Variants in PTPN13 observed in about 807,000 individuals in gnomAD.
PTPN13 encodes protein tyrosine phosphatase non-receptor type 13, also known as tyrosine-protein phosphatase non-receptor type 13.
Under a neutral mutation model 284.0 loss-of-function variants are expected in PTPN13, and 191 were observed. That is an observed-to-expected ratio of 0.67 (90% CI 0.60 to 0.76). The LOEUF (loss-of-function observed/expected upper bound fraction) is 0.76. Ranked by LOEUF, PTPN13 falls within the 30% of genes least tolerant of loss-of-function variation. The pLI is 0.00. For synonymous variants in PTPN13, 986 were observed against 1,022.3 expected (o/e 0.96, Z 0.68); for missense variants, 2,797 against 2,939.9 (o/e 0.95, Z 1.12).
chr4:86,619,504 T>C (rs1031870050), intron 1 of PTPN13, among the ~76,000 whole-genome samples: 7 of 152,168 alleles, frequency 4.6e-5, no homozygotes, highest in African/African-American at 1.7e-4. Context: ...TTATCCTGAA[T>C]CTTTCCAAAT....
intron 3 of PTPN13, among the ~76,000 whole-genome samples, chr4:86,686,220 G>A (rs1200838337): frequency 6.6e-6 from 1 of 152,122 alleles, no homozygotes; most frequent in African/African-American, 2.4e-5. Context: ...AAATTAGTCA[G>A]GCATGGTGGC....
intron 2 of PTPN13, among the ~76,000 whole-genome samples, chr4:86,659,311 TC>T (rs1409096505): frequency 6.6e-6 from 1 of 152,118 alleles, no homozygotes; most frequent in Non-Finnish European, 1.5e-5. Flanking sequence ...GTCATCAAAA[TC>T]TAACACTCAT....
At chr4:86,623,728 C>A (rs1372439597) in intron 1 of PTPN13, among the ~76,000 whole-genome samples, 1 of 152,152 alleles carries the variant, frequency 6.6e-6, no homozygotes, top group African/African-American at 2.4e-5. Flanking sequence ...AATGTTCTTT[C>A]CTATGTATAT....
chr4:86,785,418 CT>C (rs1239683098), intron 39 of PTPN13, 50 bp downstream of exon 39: 2 of 1,498,978 alleles, frequency 1.3e-6, no homozygotes, highest in Non-Finnish European at 1.8e-6. Flanking sequence ...ACAAAAACGT[CT>C]CTAGGGAGCA....
chr4:86,740,996 C>G (rs940631316), intron 15 of PTPN13, among the ~76,000 whole-genome samples: 3 of 152,166 alleles, frequency 2.0e-5, no homozygotes, highest in African/African-American at 7.2e-5. Flanking sequence ...TTCCTCATCT[C>G]CATCTGAGAC....
At chr4:86,779,417 CAA>C (rs59094100) in intron 35 of PTPN13, among the ~76,000 whole-genome samples, 30 of 122,400 alleles carry the variant, frequency 2.5e-4, no homozygotes, top group East Asian at 2.3e-4. Context: ...ACTCCGTCTC[CAA>C]AAAAAAAAAA....
chr4:86,635,167 C>T (rs1722873676), intron 1 of PTPN13, 85 bp from the exon 2 acceptor site: 5 of 1,399,026 alleles, frequency 3.6e-6, no homozygotes, highest in Admixed American at 2.2e-5. Flanking sequence ...GGCTTATAGT[C>T]TGTCATCACT....
intron 2 of PTPN13, among the ~76,000 whole-genome samples, chr4:86,645,471 T>G (rs906895521): frequency 3.3e-5 from 5 of 152,180 alleles, no homozygotes; most frequent in Non-Finnish European, 4.4e-5. Context: ...TGTAGAAAAT[T>G]TGATAGAATC....
chr4:86,813,147 T>G (rs1018954090), intron 47 of PTPN13, among the ~76,000 whole-genome samples: 3 of 152,166 alleles, frequency 2.0e-5, no homozygotes, highest in African/African-American at 7.2e-5. Flanking sequence ...TAGGAGATGT[T>G]CTTATATTCT....
At position 86,761,155 on chromosome 4, in the gene PTPN13, T is replaced by TATATATATATAG. The variant is rs1554335798; in HGVS notation, c.3554-1561_3554-1560insGATATATATATA. On this transcript the variant is annotated intron_variant, in intron 23 of 47. Transcript: ENST00000411767. ...GTGTGTGTAAATATATATATATATA[T>TATATATATATAG]ATATATATATATATAAACACAACAC... is the stretch of plus-strand genomic sequence containing the variant. Among the ~76,000 whole-genome samples the TATATATATATAG allele has an allele frequency of 2.1e-5, 3 of 145,894 alleles. No homozygotes were observed. In the Admixed American group the frequency reaches 2.1e-4, roughly 10 times the overall value.
chr4:86,733,664 A>G (rs993996361), intron 12 of PTPN13, among the ~76,000 whole-genome samples: 21 of 152,140 alleles, frequency 1.4e-4, no homozygotes, highest in Non-Finnish European at 8.8e-5. Context: ...CTAATCAGTC[A>G]ATATTGTCTA....
chr4:86,672,658 T>C (rs1303880694), intron 3 of PTPN13, 115 bp downstream of exon 3: 3 of 786,528 alleles, frequency 3.8e-6, no homozygotes, highest in Non-Finnish European at 5.7e-6. Context: ...TAAATGACCG[T>C]GTATTCCAAG....
At chr4:86,729,721 A>G (rs1734727497) in intron 10 of PTPN13, among the ~76,000 whole-genome samples, 1 of 149,558 alleles carries the variant, frequency 6.7e-6, no homozygotes, top group Non-Finnish European at 1.5e-5. Context: ...TACACTGTTT[A>G]TTCTAGTTAG....
At chr4:86,759,686 C>CA (rs879654462) in intron 23 of PTPN13, among the ~76,000 whole-genome samples, 2 of 152,120 alleles carry the variant, frequency 1.3e-5, no homozygotes, top group Non-Finnish European at 2.9e-5. Flanking sequence ...CTGTTTCTAC[C>CA]ACCTAAAACT....
chr4:86,636,308 G>A (rs1723011892), intron 2 of PTPN13, among the ~76,000 whole-genome samples: 1 of 152,214 alleles, frequency 6.6e-6, no homozygotes, highest in East Asian at 1.9e-4. Context: ...CGGCATTGTG[G>A]AGTTAGAAAA....
Position 86,744,978 on chromosome 4 carries a change from A to G in PTPN13, c.2500A>G (p.Thr834Ala). 6.4e-7 allele frequency: 1 copy of G among 1,569,636 alleles called. No homozygotes were observed. Among genetic ancestry groups the G allele is most frequent in the Non-Finnish European group, 8.7e-7 (1 of 1,155,456 alleles). The change falls in exon 17 of 48, where the codon ACA (threonine) becomes GCA (alanine). Residue 834 changes from threonine to alanine, a missense_variant. Transcript: ENST00000411767. ...KKISFSKKKI[T>A]LQNTSDGIKH... ...GTTAATATTGTAGAAAAAGAAAATC[A>G]CATTGCAAAATACATCAGATGGAAT...
At chr4:86,643,401 A>G (rs1262993746) in intron 2 of PTPN13, among the ~76,000 whole-genome samples, 1 of 152,176 alleles carries the variant, frequency 6.6e-6, no homozygotes, top group Non-Finnish European at 1.5e-5. Context: ...TCATTTTTAT[A>G]GTCTTATTAT....
intron 7 of PTPN13, among the ~76,000 whole-genome samples, chr4:86,707,689 C>T (rs918172832): frequency 2.0e-5 from 3 of 151,864 alleles, no homozygotes; most frequent in African/African-American, 4.8e-5. Flanking sequence ...TATTTCTTTA[C>T]TTCCCTTTGA....
At chr4:86,657,975 C>G (rs912186036) in intron 2 of PTPN13, among the ~76,000 whole-genome samples, 9 of 152,168 alleles carry the variant, frequency 5.9e-5, no homozygotes, top group Admixed American at 5.9e-4. Context: ...GGGTTGCATT[C>G]CAAGTCCACT....
Sources: allele counts gnomAD v4.1 joint callset (sites outside exome capture counted in the v4.1 genomes callset), GRCh38; gene constraint gnomAD v4.1.1; transcripts MANE v1.5; gene names NCBI Gene and HGNC (gene_info 2026-07-23, HGNC 2026-07-21).